SOX5: variants seen among roughly 807,000 people sequenced by gnomAD.
SOX5 encodes transcription factor SOX-5.
SOX5 carries 9 observed loss-of-function variants against 92.0 expected under a neutral mutation model. That is an observed-to-expected ratio of 0.10 (90% CI 0.06 to 0.17). The LOEUF is 0.17. SOX5 is among the 10% of genes least tolerant of loss of function. The probability of loss-of-function intolerance (pLI) is 1.00; values close to 1 mark genes in which losing one functional copy is unlikely to be tolerated. For synonymous variants in SOX5, 344 were observed against 336.3 expected, an observed-to-expected ratio of 1.02 and a Z score of -0.25; for missense variants, 642 against 944.5, an observed-to-expected ratio of 0.68 and a Z score of 4.20.
At chr12:24,553,132 GA>G (rs1366399149) in intron 1 of SOX5, among the ~76,000 whole-genome samples, 8 of 152,192 alleles carry the variant, frequency 5.3e-5, no homozygotes, top group African/African-American at 1.9e-4. Context: ...ACTGTCTCGT[GA>G]TAGCCAGGTA....
At chr12:23,750,685 G>A (rs1262347297) in intron 4 of SOX5, among the ~76,000 whole-genome samples, 1 of 151,806 alleles carries the variant, frequency 6.6e-6, no homozygotes, top group African/African-American at 2.4e-5. Context: ...ATGTTGAGGA[G>A]AGTATTTTTT....
intron 3 of SOX5, among the ~76,000 whole-genome samples, chr12:23,827,210 T>C (rs1271506311): frequency 6.6e-6 from 1 of 152,182 alleles, no homozygotes; most frequent in African/African-American, 2.4e-5. Flanking sequence ...AGTTTACATA[T>C]AAAAACTATC....
At chr12:23,593,210 G>T (rs544481535) in intron 9 of SOX5, among the ~76,000 whole-genome samples, 2 of 152,008 alleles carry the variant, frequency 1.3e-5, no homozygotes, top group Non-Finnish European at 2.9e-5. Context: ...ATGTGCCTAC[G>T]AATTCCCCTG....
At chr12:24,226,881 TG>T (rs1962152746) in intron 3 of SOX5, among the ~76,000 whole-genome samples, 1 of 42,650 alleles carries the variant, frequency 2.3e-5, no homozygotes, top group Non-Finnish European at 6.2e-5. Context: ...AATGAATGAA[TG>T]AATAAATCTA....
intron 1 of SOX5, among the ~76,000 whole-genome samples, chr12:23,947,736 AAG>A (rs1484485080): frequency 1.3e-5 from 2 of 151,926 alleles, no homozygotes; most frequent in African/African-American, 4.8e-5. Flanking sequence ...AGGAGGAAAA[AAG>A]ATGTTAACAG....
At chr12:24,380,886 T>A (rs1957756526) in intron 1 of SOX5, among the ~76,000 whole-genome samples, 1 of 152,222 alleles carries the variant, frequency 6.6e-6, no homozygotes, top group Non-Finnish European at 1.5e-5. Flanking sequence ...AACTGTATTC[T>A]GCAACAGTCA....
chr12:23,959,218 A>G (rs1237340894), intron 4 of SOX5, among the ~76,000 whole-genome samples: 2 of 151,928 alleles, frequency 1.3e-5, no homozygotes, highest in Non-Finnish European at 2.9e-5. Context: ...AATTTTGCAA[A>G]AGAAAAAGAA....
rs531150928 is a variant in SOX5, at chr12:24,500,189, C to T, written c.-251+62140G>A. 2.0e-3 allele frequency among the ~76,000 whole-genome samples: 306 copies of T among 152,230 alleles called. 2 individuals are homozygous for T. The highest frequency in any genetic ancestry group is 3.4e-3 in the Non-Finnish European group (233 of 68,010). ...GTTTTACAAAGTAACGAATCTCTGA[C>T]TAGGAAGTCATATAAATTTTCAAAA... is the stretch of plus-strand genomic sequence containing the variant. On this transcript the variant is annotated intron_variant, in intron 1 of 4. Coordinates refer to the SOX5 transcript ENST00000446891.
rs536749081 is a variant in SOX5 at position 23,633,790 on chromosome 12, A to G, written c.1017+7022T>C. 4.7e-4 allele frequency among the ~76,000 whole-genome samples: 72 copies of G among 152,262 alleles called. 2 individuals are homozygous for G. The South Asian group carries it at 0.014, about 31-fold the overall frequency. ...AATAAAAGTACCTCCAGTAGTTCAT[A>G]TTTTTATATATGTCTATACACACAC... On this transcript the variant is annotated intron_variant, in intron 8 of 14. Transcript: ENST00000451604.
chr12:23,806,578 C>A, intron 3 of SOX5, among the ~76,000 whole-genome samples: 1 of 137,100 alleles, frequency 7.3e-6, no homozygotes, highest in Non-Finnish European at 1.5e-5. Flanking sequence ...TATCCTTTTT[C>A]CACTAAAAAA....
chr12:23,831,629 C>A (rs932219217), intron 3 of SOX5, among the ~76,000 whole-genome samples: 2 of 151,774 alleles, frequency 1.3e-5, no homozygotes, highest in African/African-American at 4.8e-5. Flanking sequence ...TTTTAAAGTC[C>A]ATACTAAAGG....
chr12:24,241,346 C>G (rs1345953227), intron 3 of SOX5, among the ~76,000 whole-genome samples: 1 of 152,142 alleles, frequency 6.6e-6, no homozygotes, highest in Non-Finnish European at 1.5e-5. Context: ...ACAAAAGCCT[C>G]TTTGTTTCTA....
intron 1 of SOX5, among the ~76,000 whole-genome samples, chr12:24,406,728 C>T (rs753714639): frequency 1.3e-5 from 2 of 151,992 alleles, no homozygotes; most frequent in Non-Finnish European, 2.9e-5. Flanking sequence ...GTCCAGAGGA[C>T]TTTTTTTTAA....
At chr12:24,453,905 AT>A (rs1942670007) in intron 1 of SOX5, among the ~76,000 whole-genome samples, 2 of 152,138 alleles carry the variant, frequency 1.3e-5, no homozygotes, top group Non-Finnish European at 1.5e-5. Flanking sequence ...TAGCTCTTTC[AT>A]TTTTGAAGGC....
At chr12:23,641,187 C>T (rs958277969) in intron 7 of SOX5, among the ~76,000 whole-genome samples, 1 of 151,798 alleles carries the variant, frequency 6.6e-6, no homozygotes, top group Non-Finnish European at 1.5e-5. Context: ...CACTTGATAA[C>T]ACACACGCGC....
intron 2 of SOX5, among the ~76,000 whole-genome samples, chr12:24,349,417 A>T (rs1265754414): frequency 6.6e-6 from 1 of 152,144 alleles, no homozygotes; most frequent in Admixed American, 6.5e-5. Context: ...TAGCCCTTTG[A>T]CAATAAGTCA....
intron 4 of SOX5, among the ~76,000 whole-genome samples, chr12:24,134,616 C>A (rs1347173699): frequency 6.6e-6 from 1 of 151,958 alleles, no homozygotes; most frequent in East Asian, 1.9e-4. Context: ...GGGAGGTGAA[C>A]AAGAAAATGA....
intron 1 of SOX5, among the ~76,000 whole-genome samples, chr12:24,391,303 T>G (rs1330299477): frequency 6.6e-6 from 1 of 152,176 alleles, no homozygotes; most frequent in African/African-American, 2.4e-5. Context: ...TTTAACACTA[T>G]TAAATTTTAT....
chr12:23,699,776 T>C (rs1412241171), intron 6 of SOX5, among the ~76,000 whole-genome samples: 1 of 152,196 alleles, frequency 6.6e-6, no homozygotes, highest in Non-Finnish European at 1.5e-5. Context: ...GTTTGGATGC[T>C]ACCAGGTTTT....
Sources: gnomAD v4.1 joint callset for allele counts (sites outside exome capture counted in the v4.1 genomes callset) on GRCh38, gnomAD v4.1.1 for gene constraint, MANE v1.5 for transcripts, NCBI Gene and HGNC (gene_info 2026-07-23, HGNC 2026-07-21) for gene names.